SHF: variants seen among roughly 807,000 people sequenced by gnomAD.
SHF encodes Src homology 2 domain containing F.
A neutral mutation model predicts 42.4 loss-of-function variants in SHF; 30 were observed. That is an observed-to-expected ratio of 0.71 (90% CI 0.53 to 0.96). The LOEUF (loss-of-function observed/expected upper bound fraction) is 0.96. Ranked by LOEUF, SHF falls within the 40% of genes least tolerant of loss-of-function variation. The pLI is 0.00. For synonymous variants in SHF, 264 were observed against 269.9 expected, an observed-to-expected ratio of 0.98 and a Z score of 0.21; for missense variants, 598 against 634.0, an observed-to-expected ratio of 0.94 and a Z score of 0.61.
At chr15:45,198,392 C>T (rs1898937723) in intron 2 of SHF, 1 of 178,702 alleles carries the variant, frequency 5.6e-6, no homozygotes, top group East Asian at 1.5e-4. Flanking sequence ...ATTCAGACAA[C>T]TATATTTGGT....
intron 1 of SHF, among the ~76,000 whole-genome samples, chr15:45,181,707 C>G (rs1382142251): frequency 6.6e-6 from 1 of 152,030 alleles, no homozygotes; most frequent in Non-Finnish European, 1.5e-5. Context: ...CAGGATCAGG[C>G]TCTCAGCAGA....
intron 3 of SHF, among the ~76,000 whole-genome samples, chr15:45,174,060 G>A (rs1157127307): frequency 6.6e-6 from 1 of 152,080 alleles, no homozygotes; most frequent in African/African-American, 2.4e-5. Context: ...AGGACTAAGA[G>A]TGACCAGCAC....
At chr15:45,200,408 C>T (rs184259195) in intron 1 of SHF, 558 of 230,332 alleles carry the variant, frequency 2.4e-3, no homozygotes, top group Non-Finnish European at 3.6e-3. Flanking sequence ...CCATTGTCCT[C>T]ACAATGCCGT....
At chr15:45,201,101 C>T (rs1037483647) in exon 1 of SHF, 3 of 339,954 alleles carry the variant, frequency 8.8e-6, no homozygotes, top group South Asian at 4.6e-5. Flanking sequence ...GCCATCTAGA[C>T]GAGAAGGGCA....
intron 6 of SHF, among the ~76,000 whole-genome samples, chr15:45,169,728 G>A (rs563138467): frequency 4.1e-4 from 63 of 152,362 alleles, no homozygotes; most frequent in Non-Finnish European, 7.1e-4. Flanking sequence ...TGGCCAGAGA[G>A]CTCAGCCGCC....
chr15:45,184,078 C>T (rs758394214), intron 1 of SHF, among the ~76,000 whole-genome samples: 1 of 152,208 alleles, frequency 6.6e-6, no homozygotes, highest in Non-Finnish European at 1.5e-5. Flanking sequence ...TTAAAGCAAA[C>T]AAACAAACCC....
At chr15:45,170,626 C>T in intron 6 of SHF, 12 of 280,600 alleles carry the variant, frequency 4.3e-5, no homozygotes, top group East Asian at 1.1e-4. Flanking sequence ...TAGTCCGGCA[C>T]TTTTTCTATT....
upstream of SHF, among the ~76,000 whole-genome samples, chr15:45,189,426 A>C: frequency 1.8e-5 from 2 of 113,282 alleles, no homozygotes; most frequent in African/African-American, 3.5e-5. Flanking sequence ...ACGGAGTCTC[A>C]CTCCGTCGCT....
intron 1 of SHF, among the ~76,000 whole-genome samples, chr15:45,179,527 G>A (rs759185916): frequency 9.9e-5 from 15 of 152,184 alleles, no homozygotes; most frequent in Non-Finnish European, 2.1e-4. Flanking sequence ...GCCATTCATC[G>A]CACAGTGAAC....
chr15:45,187,366 C>G, intron 1 of SHF, 88 bp downstream of exon 1: 1 of 1,201,036 alleles, frequency 8.3e-7, no homozygotes, highest in Non-Finnish European at 1.0e-6. Context: ...ACCGAGGGGC[C>G]CGGGCCAGGC....
intron 4 of SHF, among the ~76,000 whole-genome samples, chr15:45,173,153 G>A (rs1350000679): frequency 6.6e-6 from 1 of 152,198 alleles, no homozygotes; most frequent in Non-Finnish European, 1.5e-5. Flanking sequence ...CCTCATTTGG[G>A]CTCTTTTTCT....
upstream of SHF, among the ~76,000 whole-genome samples, chr15:45,190,409 C>T (rs1364397253): frequency 1.3e-5 from 2 of 152,174 alleles, no homozygotes; most frequent in Admixed American, 1.3e-4. Flanking sequence ...TAGTTGTGGG[C>T]TGTAGCCAGG....
In SHF at chr15:45,199,068, G is replaced by A; in HGVS notation, c.7C>T (p.Gln3Ter). The stretch of plus-strand genomic sequence containing the variant: ...GCGCTCCTCACGGGTCCTCCCTCCT[G>A]CTGCATCCTCCAGCGGTGACCCAAT... Residue 3 changes from glutamine to a stop codon, truncating the protein, a stop_gained, in exon 2 of 8, where the codon CAG (glutamine) becomes TAG (stop). Coordinates refer to the SHF transcript ENST00000290894. LOFTEE classifies it high-confidence loss of function. 6.3e-7 allele frequency: 1 copy of A among 1,587,554 alleles called. No homozygotes were observed. Among genetic ancestry groups the A allele is most frequent in the Admixed American group, 1.8e-5 (1 of 56,818 alleles).
At chr15:45,186,458 G>A (rs555390380) in intron 1 of SHF, among the ~76,000 whole-genome samples, 1 of 152,240 alleles carries the variant, frequency 6.6e-6, no homozygotes, top group African/African-American at 2.4e-5. Flanking sequence ...GAGCTCTCGG[G>A]GTGAGTGAAG....
Position 45,172,283 on chromosome 15 carries a change from G to A in SHF, c.1024C>T (p.Pro342Ser), listed in dbSNP as rs762552433. Residue 342 changes from proline to serine, a missense_variant, in exon 5 of 7, where the codon CCT (proline) becomes TCT (serine). By Grantham distance (74) the Pro-to-Ser change is moderately conservative (BLOSUM62 -1). Transcript: ENST00000690270. The part of the protein sequence containing the change: ...FEGPEKSCLS[P>S]GREEKGRLPP... ...AGCCGCCCCTTCTCCTCCCGGCCAG[G>A]TGACAGGCAGCTCTTCTCCGGTCCT... is the stretch of plus-strand genomic sequence containing the variant. The A allele has an allele frequency of 1.2e-6, 2 of 1,611,112 alleles. No individual in the cohort carries two copies. Among genetic ancestry groups the A allele is most frequent in the Non-Finnish European group, 1.7e-6 (2 of 1,178,408 alleles).
intron 2 of SHF, among the ~76,000 whole-genome samples, chr15:45,198,126 T>A (rs2141456722): frequency 6.6e-6 from 1 of 152,044 alleles, no homozygotes; most frequent in African/African-American, 2.4e-5. Context: ...AAAAAAAAAT[T>A]ATCCGAGCAT....
At chr15:45,188,075 C>T (rs1035209419), upstream of SHF, 122 of 362,008 alleles carry the variant, frequency 3.4e-4, 1 homozygote, top group Middle Eastern at 2.8e-3. Flanking sequence ...AAGGGAGAGG[C>T]GGGGCTCCGC....
intron 2 of SHF, among the ~76,000 whole-genome samples, chr15:45,197,611 T>C (rs1008362253): frequency 1.3e-5 from 2 of 152,184 alleles, no homozygotes; most frequent in Non-Finnish European, 2.9e-5. Flanking sequence ...AAGGTTTATA[T>C]GGGTATAGTA....
At chr15:45,200,946 T>C in exon 1 of SHF, 2 of 440,244 alleles carry the variant, frequency 4.5e-6, no homozygotes, top group East Asian at 7.0e-5. Context: ...AGCACTTTCA[T>C]GTCCCTTCTT....
Sources: gnomAD v4.1 joint callset for allele counts (sites outside exome capture counted in the v4.1 genomes callset) on GRCh38, gnomAD v4.1.1 for gene constraint, MANE v1.5 for transcripts, NCBI Gene and HGNC (gene_info 2026-07-23, HGNC 2026-07-21) for gene names.